FGF12: variants seen among roughly 807,000 people sequenced by gnomAD.
The protein encoded by FGF12 is fibroblast growth factor 12, also known as fibroblast growth factor 12B.
FGF12 carries 14 observed loss-of-function variants against 23.6 expected under a neutral mutation model. The ratio of observed to expected loss-of-function variants is 0.59; its 90% CI spans 0.39 to 0.93. The LOEUF (loss-of-function observed/expected upper bound fraction) is 0.93. FGF12 is among the 40% of genes least tolerant of loss of function. FGF12 has a pLI of 0.00. For missense variants in FGF12, 175 were observed against 217.8 expected (o/e 0.80, Z 1.24); for synonymous variants, 62 against 77.3 (o/e 0.80, Z 1.04).
intron 2 of FGF12, among the ~76,000 whole-genome samples, chr3:192,533,306 G>C (rs11713524): frequency 0.65 from 98,704 of 152,002 alleles, 32,513 homozygotes; most frequent in East Asian, 0.87. Flanking sequence ...ACCAGAAACA[G>C]CTGGGGCCGA....
intron 4 of FGF12, among the ~76,000 whole-genome samples, chr3:192,276,382 T>G (rs1190371673): frequency 6.6e-6 from 1 of 152,162 alleles, no homozygotes; most frequent in East Asian, 1.9e-4. Flanking sequence ...CCAGCGCAAA[T>G]CACAATGTTC....
At chr3:192,554,418 A>AT (rs995980080) in intron 2 of FGF12, among the ~76,000 whole-genome samples, 45 of 152,354 alleles carry the variant, frequency 3.0e-4, no homozygotes, top group African/African-American at 1.0e-3. Context: ...AAACAGACAC[A>AT]TTAGAGGGAG....
chr3:192,680,258 G>A (rs1309989117), intron 2 of FGF12, among the ~76,000 whole-genome samples: 2 of 152,168 alleles, frequency 1.3e-5, no homozygotes, highest in Non-Finnish European at 2.9e-5. Context: ...TAGAAAAAGT[G>A]GGGAATGATT....
chr3:192,533,646 T>C (rs1725149322), intron 2 of FGF12, among the ~76,000 whole-genome samples: 1 of 152,178 alleles, frequency 6.6e-6, no homozygotes, highest in Admixed American at 6.5e-5. Context: ...TTTTGAACTT[T>C]TGAGCCTCTG....
At chr3:192,477,264 G>A (rs866589225) in intron 2 of FGF12, among the ~76,000 whole-genome samples, 11 of 152,094 alleles carry the variant, frequency 7.2e-5, no homozygotes, top group African/African-American at 1.4e-4. Context: ...TCCTGCCAGC[G>A]CTTCCCACTG....
At chr3:192,440,809 C>T (rs1722181196) in intron 2 of FGF12, among the ~76,000 whole-genome samples, 1 of 152,220 alleles carries the variant, frequency 6.6e-6, no homozygotes, top group East Asian at 1.9e-4. Context: ...TCCCTGTAAG[C>T]ATCCCATGAG....
At chr3:192,686,827 T>C (rs1717758977) in intron 2 of FGF12, among the ~76,000 whole-genome samples, 1 of 122,912 alleles carries the variant, frequency 8.1e-6, no homozygotes, top group Admixed American at 7.9e-5. Context: ...TTTTTTTTTT[T>C]TTTTTTTTTT....
At chr3:192,533,160 C>T (rs761081031) in intron 2 of FGF12, among the ~76,000 whole-genome samples, 6 of 152,100 alleles carry the variant, frequency 3.9e-5, no homozygotes, top group Admixed American at 6.5e-5. Flanking sequence ...TATAATGGTT[C>T]CTTACAATCT....
chr3:192,285,205 G>A (rs1349615161), intron 4 of FGF12, among the ~76,000 whole-genome samples: 1 of 151,932 alleles, frequency 6.6e-6, no homozygotes, highest in East Asian at 1.9e-4. Flanking sequence ...TAGTTGATAA[G>A]CAATACCTGT....
intron 2 of FGF12, among the ~76,000 whole-genome samples, chr3:192,584,574 T>C (rs891446634): frequency 6.6e-6 from 1 of 152,144 alleles, no homozygotes; most frequent in Non-Finnish European, 1.5e-5. Context: ...TTGGCTCTTT[T>C]AGTTGCATAC....
At chr3:192,313,972 G>A (rs1319389699) in intron 4 of FGF12, among the ~76,000 whole-genome samples, 2 of 152,200 alleles carry the variant, frequency 1.3e-5, no homozygotes, top group Non-Finnish European at 2.9e-5. Context: ...GGTCATAAGA[G>A]TAAAGTCCTC....
intron 2 of FGF12, among the ~76,000 whole-genome samples, chr3:192,639,197 A>G (rs188298108): frequency 3.3e-5 from 5 of 152,332 alleles, no homozygotes; most frequent in African/African-American, 1.2e-4. Flanking sequence ...GGTATATAAA[A>G]AGGTGCTCAG....
At chr3:192,269,130 G>T (rs967618444) in intron 4 of FGF12, among the ~76,000 whole-genome samples, 2 of 149,936 alleles carry the variant, frequency 1.3e-5, no homozygotes, top group South Asian at 4.4e-4. Context: ...GGCCAGGCTG[G>T]TCTCAAATTC....
Position 192,333,757 on chromosome 3 carries a change from G to A in FGF12, c.228+1604C>T, listed in dbSNP as rs543829902. 7.9e-5 allele frequency among the ~76,000 whole-genome samples: 12 copies of A among 152,160 alleles called. No individual in the cohort carries two copies. The East Asian group carries it at 1.2e-3, about 15-fold the overall frequency. On this transcript the variant is annotated intron_variant, in intron 4 of 5. Coordinates refer to ENST00000445105, the MANE Select transcript of FGF12 (RefSeq NM_004113.6). ...ACTCTCTGTAGCTTAAGTGAAAATCGATGGACAAAAGGCTGATTAAGAGGA... is the reference window on the plus strand; with the variant it reads ...ACTCTCTGTAGCTTAAGTGAAAATCAATGGACAAAAGGCTGATTAAGAGGA...
At chr3:192,281,289 C>A (rs554811032) in intron 4 of FGF12, among the ~76,000 whole-genome samples, 8 of 152,200 alleles carry the variant, frequency 5.3e-5, no homozygotes, top group Admixed American at 2.6e-4. Flanking sequence ...TGGTTTGTAG[C>A]CACATCACTT....
At chr3:192,704,599 G>A (rs1299164240) in intron 2 of FGF12, among the ~76,000 whole-genome samples, 1 of 152,114 alleles carries the variant, frequency 6.6e-6, no homozygotes, top group African/African-American at 2.4e-5. Context: ...TTTCAGAATG[G>A]TGCATGAGCA....
At chr3:192,450,524 A>T (rs9844750) in intron 2 of FGF12, among the ~76,000 whole-genome samples, 141 of 152,346 alleles carry the variant, frequency 9.3e-4, no homozygotes, top group African/African-American at 3.3e-3. Context: ...TTTTGATGAA[A>T]TAAACTATAC....
intron 4 of FGF12, among the ~76,000 whole-genome samples, chr3:192,253,774 A>G (rs748971497): frequency 6.6e-6 from 1 of 152,100 alleles, no homozygotes; most frequent in Non-Finnish European, 1.5e-5. Flanking sequence ...GATTTAGGCT[A>G]TGAAAATTAT....
At position 192,342,081 on chromosome 3, in the gene FGF12, GT is replaced by G. The variant is rs1717720088; in HGVS notation, c.125-6618del. On this transcript the variant is annotated intron_variant, in intron 3 of 5. Coordinates refer to ENST00000445105, the MANE Select transcript of FGF12 (RefSeq NM_004113.6). ...ACTTTTATCTGTGAATCTTTCCGAGGTTTCCACTACTTTAAGGGCAAGTTGA... is the reference window on the plus strand; with the variant it reads ...ACTTTTATCTGTGAATCTTTCCGAGGTTCCACTACTTTAAGGGCAAGTTGA... 2.0e-5 allele frequency among the ~76,000 whole-genome samples: 3 copies of G among 152,126 alleles called. No homozygotes were observed. The South Asian group carries it at 6.2e-4, about 31-fold the overall frequency.
Sources: allele counts gnomAD v4.1 joint callset (sites outside exome capture counted in the v4.1 genomes callset), GRCh38; gene constraint gnomAD v4.1.1; transcripts MANE v1.5; gene names NCBI Gene and HGNC (gene_info 2026-07-23, HGNC 2026-07-21).